The following IL1B variants were observed in gnomAD, a reference collection of about 807,000 sequenced individuals.
IL1B encodes the protein interleukin-1 beta.
Under a neutral mutation model 26.2 loss-of-function variants are expected in IL1B, and 11 were observed. That is an observed-to-expected ratio of 0.42 (90% CI 0.26 to 0.70). The LOEUF (loss-of-function observed/expected upper bound fraction) is 0.70. Among genes scored for constraint, IL1B ranks in the 30% least tolerant of loss-of-function variants. IL1B has a pLI of 0.25. For synonymous variants in IL1B, 118 were observed against 120.8 expected (o/e 0.98, Z 0.15); for missense variants, 255 against 327.5 (o/e 0.78, Z 1.71).
intron 5 of IL1B, 80 bp from the exon 6 acceptor site, chr2:112,831,502 A>G: frequency 6.5e-7 from 1 of 1,543,280 alleles, no homozygotes; most frequent in Non-Finnish European, 8.9e-7. Context: ...TGAGTAGGAT[A>G]CATGTAATTT....
In IL1B at chr2:112,836,701, G is replaced by A. The variant is rs1143628; in HGVS notation, c.-16+7C>T. On this transcript the variant is annotated splice_region_variant and intron_variant, in intron 1 of 6. Transcript: ENST00000263341. ...GCACCTAGTTGTAAGGAAGATTAAA[G>A]TCATACTTGAGCAATGAAGATTGGC... is the stretch of plus-strand genomic sequence containing the variant. The A allele has an allele frequency of 2.0e-3, 349 of 173,046 alleles. 1 individual carries two copies. The highest frequency in any genetic ancestry group is 3.5e-3 in the South Asian group (29 of 8,182). The allele number at this position is 173,046 out of a possible 1,614,324, so 10.7% of individuals were successfully genotyped here.
In IL1B at chr2:112,830,082, C is replaced by G. The variant is rs1299767877; in HGVS notation, c.*279G>C. The G allele has an allele frequency of 2.6e-6, 1 of 378,986 alleles. No homozygotes were observed. Among genetic ancestry groups the G allele is most frequent in the Non-Finnish European group, 4.8e-6 (1 of 208,260 alleles). 23.5% of individuals were successfully genotyped at this position (378,986 alleles called of 1,614,324 possible). A position where few individuals can be genotyped will look rare whatever the true frequency, so the allele number is the denominator to read the frequency against. Reference sequence around the variant, plus strand: ...AGGGTTTCTTAGAACCAAATGTGGCCGTGGTTTCTGTCAGGCGGGCTTTAA... The same window carrying G: ...AGGGTTTCTTAGAACCAAATGTGGCGGTGGTTTCTGTCAGGCGGGCTTTAA... On this transcript the variant is annotated 3_prime_UTR_variant, in exon 7 of 7. Transcript: ENST00000263341.
intron 3 of IL1B, 125 bp from the exon 4 acceptor site, chr2:112,833,700 C>G (rs1682034286): frequency 9.9e-6 from 9 of 910,748 alleles, no homozygotes; most frequent in Non-Finnish European, 1.6e-5. Flanking sequence ...TTCTAAAGAT[C>G]ATCCCTCTCT....
chr2:112,830,634 A>G (rs1681966640), intron 6 of IL1B, 61 bp from the exon 7 acceptor site: 5 of 1,224,484 alleles, frequency 4.1e-6, no homozygotes, highest in Non-Finnish European at 6.0e-6. Context: ...TATGGGAAAG[A>G]TGTTCTTTGG....
Position 112,833,451 on chromosome 2 carries a change from C to T in IL1B, c.224G>A (p.Arg75Lys), listed in dbSNP as rs1682028552. Residue 75 changes from arginine to lysine, a missense_variant, in exon 4 of 7, where the codon AGG becomes AAG. Arg to Lys is a conservative substitution (Grantham distance 26). Coordinates refer to ENST00000263341, the MANE Select transcript of IL1B (RefSeq NM_000576.3). ...ASVVVAMDKLRKMLVPCPQTF... is the reference protein window; with the variant it reads ...ASVVVAMDKLKKMLVPCPQTF... ...CTGTGGGCAGGGAACCAGCATCTTC[C>T]TCAGCTTGTCCATGGCCACAACAAC... 1 of 1,614,200 alleles carries T rather than the reference C, an allele frequency of 6.2e-7. No individual in the cohort carries two copies. The highest frequency in any genetic ancestry group is 1.1e-5 in the South Asian group (1 of 91,086).
chr2:112,830,190 T>C lies in IL1B; in HGVS notation c.*171A>G. On this transcript the variant is annotated 3_prime_UTR_variant, in exon 7 of 7. Coordinates refer to ENST00000263341, the MANE Select transcript of IL1B (RefSeq NM_000576.3). ...AAAGGAGAGAGCTGACTGTCCTGGC[T>C]GATGGACAGGAGATCCTCTTAGCAC... The C allele has an allele frequency of 1.6e-6, 1 of 626,652 alleles. No homozygotes were observed. Among genetic ancestry groups the C allele is most frequent in the Non-Finnish European group, 2.9e-6 (1 of 349,142 alleles). The allele number at this position is 626,652 out of a possible 1,614,324, so 38.8% of individuals were successfully genotyped here. A position where few individuals can be genotyped will look rare whatever the true frequency, so the allele number is the denominator to read the frequency against.
intron 4 of IL1B, 124 bp from the exon 5 acceptor site, chr2:112,832,950 A>C (rs1682017999): frequency 1.1e-6 from 1 of 882,710 alleles, no homozygotes; most frequent in Non-Finnish European, 1.9e-6. Context: ...TGATGACAAC[A>C]CCAGTAGGGA....
At chr2:112,830,758 TA>T (rs1681969436) in intron 6 of IL1B, among the ~76,000 whole-genome samples, 185 bp from the exon 7 acceptor site, 4 of 152,106 alleles carry the variant, frequency 2.6e-5, no homozygotes, top group African/African-American at 9.7e-5. Flanking sequence ...TCTTCTTTTC[TA>T]AAACTTAGTG....
rs1489537521 is a variant in IL1B at position 112,829,799 on chromosome 2, TA to T, written c.*561del. ...ATTTCAGAACCATTGAACAGTATGA[TA>T]TTTGCTCATTTATAAATATTCCCAT... On this transcript the variant is annotated 3_prime_UTR_variant, in exon 7 of 7. Coordinates refer to ENST00000263341, the MANE Select transcript of IL1B (RefSeq NM_000576.3). The T allele has an allele frequency of 6.4e-6, 1 of 155,200 alleles. No individual in the cohort carries two copies. Among genetic ancestry groups the T allele is most frequent in the Non-Finnish European group, 1.4e-5 (1 of 69,900 alleles). 9.6% of individuals were successfully genotyped at this position (155,200 alleles called of 1,614,324 possible). A position where few individuals can be genotyped will look rare whatever the true frequency, so the allele number is the denominator to read the frequency against.
chr2:112,835,409 C>A, intron 3 of IL1B, 157 bp downstream of exon 3: 1 of 697,622 alleles, frequency 1.4e-6, no homozygotes, highest in Non-Finnish European at 2.6e-6. Context: ...ACCAAGTGGC[C>A]AGGTCAGCAA....
chr2:112,833,402 G>C lies in IL1B; in HGVS notation c.273C>G (p.Ser91Arg). Residue 91 changes from serine (S) to arginine (R), a missense_variant, in exon 4 of 7, where the codon AGC (serine) becomes AGG (arginine). Coordinates refer to ENST00000263341, the MANE Select transcript of IL1B (RefSeq NM_000576.3). ...CPQTFQENDLSTFFPFIFEEE... is the reference protein window; with the variant it reads ...CPQTFQENDLRTFFPFIFEEE... ...CTTCAAAGATGAAGGGAAAGAAGGT[G>C]CTCAGGTCATTCTCCTGGAAGGTCT... 1 of 1,614,184 alleles carries C rather than the reference G, an allele frequency of 6.2e-7. No homozygotes were observed. Among genetic ancestry groups the C allele is most frequent in the Non-Finnish European group, 8.5e-7 (1 of 1,180,034 alleles).
Position 112,830,260 on chromosome 2 carries a change from G to T in IL1B, c.*101C>A, listed in dbSNP as rs10176689. On this transcript the variant is annotated 3_prime_UTR_variant, in exon 7 of 7. Transcript: ENST00000263341. Reference sequence around the variant, plus strand: ...GGGCATTGGTGTAGACAACAGGAAAGTCCAGGCTATAGCCGTACTCAAAAA... The same window carrying T: ...GGGCATTGGTGTAGACAACAGGAAATTCCAGGCTATAGCCGTACTCAAAAA... 3.9e-3 allele frequency: 3,821 copies of T among 986,836 alleles called. 74 individuals carry two copies. In the African/African-American group the frequency reaches 0.048, roughly 12 times the overall value. The allele number at this position is 986,836 out of a possible 1,614,324, so 61.1% of individuals were successfully genotyped here.
chr2:112,831,469 G>T (rs1481575949), intron 5 of IL1B, 47 bp from the exon 6 acceptor site: 10 of 1,608,512 alleles, frequency 6.2e-6, no homozygotes, highest in Non-Finnish European at 8.5e-6. Context: ...GCAGTGCAGG[G>T]TCACCCCAAC....
chr2:112,831,707 G>A (rs1386109217), intron 5 of IL1B, among the ~76,000 whole-genome samples: 2 of 152,094 alleles, frequency 1.3e-5, no homozygotes. Flanking sequence ...AAGGAAGGAA[G>A]GAAGGAAGCC....
At chr2:112,832,366 G>T (rs1682002124) in intron 5 of IL1B, among the ~76,000 whole-genome samples, 2 of 152,086 alleles carry the variant, frequency 1.3e-5, no homozygotes. Flanking sequence ...TCCATCAAAT[G>T]ACCCCATATT....
chr2:112,836,577 G>A (rs1383772603), intron 1 of IL1B, 131 bp downstream of exon 1: 1 of 311,978 alleles, frequency 3.2e-6, no homozygotes, highest in African/African-American at 2.2e-5. Flanking sequence ...GAGAGAGGGA[G>A]GCAGAGAGGG....
intron 2 of IL1B, 138 bp downstream of exon 2, chr2:112,836,044 TA>T: frequency 1.3e-6 from 1 of 755,800 alleles, no homozygotes; most frequent in Non-Finnish European, 2.3e-6. Context: ...AAGTAGTCTT[TA>T]AATCAGATTT....
chr2:112,832,778 G>A lies in IL1B; in HGVS notation c.350C>T (p.Ala117Val), dbSNP rs1339428738. The change falls in exon 5 of 7, where the codon GCA (alanine) becomes GTA (valine). Residue 117 changes from alanine (A) to valine (V), a missense_variant. Coordinates refer to ENST00000263341, the MANE Select transcript of IL1B (RefSeq NM_000576.3). ...CGTGCAGTTCAGTGATCGTACAGGT[G>A]CATCGTGCACATAAGCCTCGTTATC... is the stretch of plus-strand genomic sequence containing the variant. ...TWDNEAYVHD[A>V]PVRSLNCTLR... 1 of 1,614,166 alleles carries A rather than the reference G, an allele frequency of 6.2e-7. No homozygotes were observed.
At chr2:112,835,237 G>A (rs1682067324) in intron 3 of IL1B, 3 of 412,792 alleles carry the variant, frequency 7.3e-6, no homozygotes, top group Non-Finnish European at 1.4e-5. Context: ...TCAAGTGATT[G>A]GCATAGGCTG....
Sources: gnomAD v4.1 joint callset for allele counts (sites outside exome capture counted in the v4.1 genomes callset) on GRCh38, gnomAD v4.1.1 for gene constraint, MANE v1.5 for transcripts, NCBI Gene and HGNC (gene_info 2026-07-23, HGNC 2026-07-21) for gene names.